GDF6: variants seen among roughly 807,000 people sequenced by gnomAD.
GDF6 encodes growth/differentiation factor 6.
In GDF6, 3 loss-of-function variants were observed where a neutral mutation model predicts 32.4. The ratio of observed to expected loss-of-function variants is 0.09; its 90% CI spans 0.04 to 0.24. The LOEUF is 0.24. GDF6 is among the 10% of genes least tolerant of loss of function. GDF6 has a pLI of 1.00. For synonymous variants in GDF6, 296 were observed against 295.3 expected (o/e 1.00, Z -0.03); for missense variants, 589 against 637.9 (o/e 0.92, Z 0.83).
intron 1 of GDF6, 108 bp downstream of exon 1, chr8:96,160,179 A>G: frequency 9.2e-7 from 1 of 1,088,282 alleles, no homozygotes; most frequent in East Asian, 2.4e-5. Flanking sequence ...GTAAAAAGGA[A>G]GTGTCCAGAG....
intron 1 of GDF6, among the ~76,000 whole-genome samples, chr8:96,152,548 C>G (rs1176716301): frequency 6.6e-6 from 1 of 152,158 alleles, no homozygotes; most frequent in Non-Finnish European, 1.5e-5. Context: ...TGCAAAGGGC[C>G]AGACACATAT....
chr8:96,156,919 A>G (rs977357822), intron 1 of GDF6, among the ~76,000 whole-genome samples: 1 of 152,200 alleles, frequency 6.6e-6, no homozygotes, highest in African/African-American at 2.4e-5. Context: ...CTATCTATAC[A>G]GTGCTCTAGT....
intron 1 of GDF6, among the ~76,000 whole-genome samples, chr8:96,149,403 T>C (rs1169954477): frequency 1.3e-5 from 2 of 152,202 alleles, no homozygotes; most frequent in Non-Finnish European, 2.9e-5. Context: ...TTACAATTGC[T>C]GGATTAGGGC....
chr8:96,155,179 A>C (rs915225455), intron 1 of GDF6, among the ~76,000 whole-genome samples: 8 of 152,328 alleles, frequency 5.3e-5, no homozygotes, highest in African/African-American at 1.9e-4. Flanking sequence ...GAGGCCCGAG[A>C]GCCTCCCGCG....
At chr8:96,160,209 T>G (rs996617301) in intron 1 of GDF6, 78 bp downstream of exon 1, 6 of 1,404,166 alleles carry the variant, frequency 4.3e-6, no homozygotes, top group Non-Finnish European at 6.1e-6. Flanking sequence ...AATTCACAAA[T>G]GTAGCCTCCA....
rs1300382489 is a variant in GDF6, at chr8:96,160,580, C to A, written c.113G>T (p.Gly38Val). Residue 38 changes from glycine (G) to valine (V), a missense_variant, in exon 1 of 2, where the codon GGT (glycine) becomes GTT (valine). Transcript: ENST00000287020. ...GCGGCTTCGCATGCCCTTGGTGGAA[C>A]CCAGCTCGGCGGACGACGAGGAGGA... ...ISSSSSSAEL[G>V]STKGMRSRKE... 1 of 1,613,674 alleles carries A rather than the reference C, an allele frequency of 6.2e-7. No individual in the cohort carries two copies. The highest frequency in any genetic ancestry group is 1.1e-5 in the South Asian group (1 of 91,088).
At chr8:96,150,165 A>G (rs1812544182) in intron 1 of GDF6, among the ~76,000 whole-genome samples, 1 of 152,058 alleles carries the variant, frequency 6.6e-6, no homozygotes, top group African/African-American at 2.4e-5. Flanking sequence ...AACTTCCCGG[A>G]CTTGCAGGAT....
chr8:96,147,112 C>T lies in GDF6; in HGVS notation c.407-1588G>A, dbSNP rs146320085. Among the ~76,000 whole-genome samples, 394 of 152,284 alleles carry T rather than the reference C, an allele frequency of 2.6e-3. 1 individual carries two copies. The highest frequency in any genetic ancestry group is 7.7e-3 in the African/African-American group (321 of 41,532). On this transcript the variant is annotated intron_variant, in intron 1 of 1. Coordinates refer to ENST00000287020, the MANE Select transcript of GDF6 (RefSeq NM_001001557.4). ...TAAAAGTGTCACTGGGCCCAGCATC[C>T]AACCCTCTCTACCAGTCCAGATGTA...
intron 1 of GDF6, among the ~76,000 whole-genome samples, chr8:96,155,257 C>A (rs939072753): frequency 6.6e-6 from 1 of 152,260 alleles, no homozygotes; most frequent in Admixed American, 6.5e-5. Flanking sequence ...AGAATCCCTG[C>A]GCAACCTGCG....
rs1224999269 is a variant in GDF6, at chr8:96,143,097, T to G, written c.*1466A>C. ...AATGGGTATTTCAATTTCACTGTGC[T>G]CTCTCCAGCTTCCTCCCAGAAGACG... On this transcript the variant is annotated 3_prime_UTR_variant, in exon 2 of 2. Transcript: ENST00000287020. The G allele has an allele frequency of 6.6e-6, 1 of 152,182 alleles. No individual in the cohort carries two copies. The highest frequency in any genetic ancestry group is 2.4e-5 in the African/African-American group (1 of 41,420). The allele number at this position is 152,182 out of a possible 1,614,324, so 9.4% of individuals were successfully genotyped here.
At chr8:96,158,995 G>T (rs1812716053) in intron 1 of GDF6, among the ~76,000 whole-genome samples, 1 of 151,914 alleles carries the variant, frequency 6.6e-6, no homozygotes, top group Non-Finnish European at 1.5e-5. Context: ...GGGGCTGGGG[G>T]CGGGGGGGCC....
In GDF6 at chr8:96,155,016, G is replaced by C. The variant is rs189592418; in HGVS notation, c.406+5271C>G. 1.5e-3 allele frequency among the ~76,000 whole-genome samples: 232 copies of C among 152,340 alleles called. 1 individual carries two copies. The highest frequency in any genetic ancestry group is 5.2e-3 in the African/African-American group (218 of 41,574). The stretch of plus-strand genomic sequence containing the variant: ...AGCTTTCAAGTCCTGATTCAATTGG[G>C]GGGTGGGGAGGGTGGAGAAGAGGGA... On this transcript the variant is annotated intron_variant, in intron 1 of 1. Coordinates refer to ENST00000287020, the MANE Select transcript of GDF6 (RefSeq NM_001001557.4).
chr8:96,160,329 T>C lies in GDF6; in HGVS notation c.364A>G (p.Lys122Glu). Residue 122 changes from lysine to glutamate, a missense_variant, in exon 1 of 2, where the codon AAG (lysine) becomes GAG (glutamate). Transcript: ENST00000287020. Reference sequence around the variant, plus strand: ...AAGCTGGTGATCGTATTAGCCGACTTGGAAGACTGGAAAAAGCTGGCATTG... The same window carrying C: ...AAGCTGGTGATCGTATTAGCCGACTCGGAAGACTGGAAAAAGCTGGCATTG... ...GINASFFQSS[K>E]SANTITSFVD... 1 of 1,614,238 alleles carries C rather than the reference T, an allele frequency of 6.2e-7. No homozygotes were observed. The highest frequency in any genetic ancestry group is 8.5e-7 in the Non-Finnish European group (1 of 1,180,038).
intron 1 of GDF6, among the ~76,000 whole-genome samples, chr8:96,159,426 C>T (rs975333397): frequency 3.3e-5 from 5 of 152,180 alleles, no homozygotes; most frequent in African/African-American, 1.2e-4. Context: ...TCCGCAGACA[C>T]CCACACATGC....
chr8:96,158,001 C>A (rs369444809), intron 1 of GDF6, among the ~76,000 whole-genome samples: 77 of 152,328 alleles, frequency 5.1e-4, no homozygotes, highest in African/African-American at 1.6e-3. Flanking sequence ...CCTTCACCCC[C>A]GCGCGGCGTG....
intron 1 of GDF6, among the ~76,000 whole-genome samples, chr8:96,153,407 C>G (rs1476228283): frequency 2.0e-5 from 3 of 152,202 alleles, no homozygotes; most frequent in African/African-American, 7.2e-5. Context: ...AGATGAAACC[C>G]AAACCGAAGC....
At chr8:96,146,123 T>C (rs1812481806) in intron 1 of GDF6, among the ~76,000 whole-genome samples, 1 of 152,210 alleles carries the variant, frequency 6.6e-6, no homozygotes. Flanking sequence ...TAGGCCGATG[T>C]CATTGTCCAC....
At chr8:96,158,741 T>C (rs1812712402) in intron 1 of GDF6, among the ~76,000 whole-genome samples, 1 of 151,258 alleles carries the variant, frequency 6.6e-6, no homozygotes, top group Non-Finnish European at 1.5e-5. Flanking sequence ...GTGGGGAGGG[T>C]TGGCGAGCTG....
At chr8:96,153,508 G>T (rs1812606021) in intron 1 of GDF6, among the ~76,000 whole-genome samples, 1 of 152,200 alleles carries the variant, frequency 6.6e-6, no homozygotes, top group African/African-American at 2.4e-5. Context: ...GACCTGGGGG[G>T]TTGGCTAGGG....
Sources: gnomAD v4.1 joint callset for allele counts (sites outside exome capture counted in the v4.1 genomes callset) on GRCh38, gnomAD v4.1.1 for gene constraint, MANE v1.5 for transcripts, NCBI Gene and HGNC (gene_info 2026-07-23, HGNC 2026-07-21) for gene names.